The following SNTG1 variants were observed in gnomAD, a reference collection of about 807,000 sequenced individuals.
SNTG1 encodes syntrophin gamma 1.
SNTG1 carries 39 observed loss-of-function variants against 74.7 expected under a neutral mutation model. That is an observed-to-expected ratio of 0.52 (90% CI 0.40 to 0.68). SNTG1 has a LOEUF of 0.68. Ranked by LOEUF, SNTG1 falls within the 30% of genes least tolerant of loss-of-function variation. The pLI, the probability that SNTG1 is intolerant of heterozygous loss-of-function variation, is 0.00. For missense variants in SNTG1, 685 were observed against 609.5 expected (o/e 1.12, Z -1.30); for synonymous variants, 254 against 217.1 (o/e 1.17, Z -1.49).
chr8:50,661,449 T>C (rs1441436310), intron 15 of SNTG1, among the ~76,000 whole-genome samples: 1 of 152,222 alleles, frequency 6.6e-6, no homozygotes, highest in Non-Finnish European at 1.5e-5. Flanking sequence ...TGAGAGTGCC[T>C]GTATATTTAC....
chr8:50,357,186 C>T (rs553636062), intron 2 of SNTG1, among the ~76,000 whole-genome samples: 1 of 152,270 alleles, frequency 6.6e-6, no homozygotes, highest in South Asian at 2.1e-4. Flanking sequence ...TCCTTCCCCT[C>T]AGTCACCAGG....
chr8:50,021,007 G>A (rs894461972), intron 1 of SNTG1, among the ~76,000 whole-genome samples: 45 of 152,052 alleles, frequency 3.0e-4, no homozygotes, highest in African/African-American at 1.1e-3. Context: ...CCATTGATAT[G>A]ACTAGGGGCT....
chr8:50,401,000 C>T (rs1410860178), intron 3 of SNTG1, among the ~76,000 whole-genome samples: 1 of 152,146 alleles, frequency 6.6e-6, no homozygotes, highest in African/African-American at 2.4e-5. Context: ...GATGTATATG[C>T]TAATTATCAT....
At chr8:50,543,017 T>A (rs2094359600) in intron 11 of SNTG1, among the ~76,000 whole-genome samples, 1 of 152,210 alleles carries the variant, frequency 6.6e-6, no homozygotes. Context: ...TTGAAAATAT[T>A]TTTTCCCATT....
intron 1 of SNTG1, among the ~76,000 whole-genome samples, chr8:49,922,048 A>G (rs1806591675): frequency 6.6e-6 from 1 of 152,046 alleles, no homozygotes. Flanking sequence ...ATATTTTTCT[A>G]AAAGAAATTT....
intron 2 of SNTG1, among the ~76,000 whole-genome samples, chr8:50,271,757 T>C (rs2087791691): frequency 6.6e-6 from 1 of 152,276 alleles, no homozygotes; most frequent in African/African-American, 2.4e-5. Context: ...CTCTGGGAAT[T>C]CTCTGGGAAT....
At chr8:50,021,119 C>T (rs1816777143) in intron 1 of SNTG1, among the ~76,000 whole-genome samples, 1 of 152,146 alleles carries the variant, frequency 6.6e-6, no homozygotes, top group Non-Finnish European at 1.5e-5. Context: ...CTGAGTACTC[C>T]TAAGGTTTTT....
chr8:50,145,914 A>G (rs2081845665), intron 1 of SNTG1, among the ~76,000 whole-genome samples: 1 of 151,764 alleles, frequency 6.6e-6, no homozygotes, highest in African/African-American at 2.4e-5. Context: ...ATAAAAATAT[A>G]TAGATGACTT....
intron 15 of SNTG1, among the ~76,000 whole-genome samples, chr8:50,688,019 T>A (rs1037939512): frequency 6.6e-6 from 1 of 151,934 alleles, no homozygotes; most frequent in African/African-American, 2.4e-5. Context: ...ATGATGAGCA[T>A]TTTTTCATGC....
intron 17 of SNTG1, among the ~76,000 whole-genome samples, chr8:50,711,896 T>C (rs2095462603): frequency 6.6e-6 from 1 of 152,226 alleles, no homozygotes; most frequent in Non-Finnish European, 1.5e-5. Flanking sequence ...ATTTTCACTG[T>C]TAGAGAAGGG....
intron 2 of SNTG1, among the ~76,000 whole-genome samples, chr8:50,237,296 G>C (rs1308470715): frequency 5.3e-5 from 8 of 152,018 alleles, no homozygotes; most frequent in Admixed American, 5.2e-4. Flanking sequence ...ATTTGTAATT[G>C]GAGCTCTAAG....
rs2093328739 is a variant in SNTG1, at chr8:50,438,600, G to A, written c.219+1G>A. 6.2e-7 allele frequency: 1 copy of A among 1,612,336 alleles called. No homozygotes were observed. The highest frequency in any genetic ancestry group is 1.7e-5 in the Admixed American group (1 of 59,896). ...AGGAGGATTTGGATTAAGCATAAAG[G>A]TAGCCTGCCTTTCTAGTCTATCCTT... On this transcript the variant is annotated splice_donor_variant, in intron 5 of 18. Transcript: ENST00000642720. LOFTEE classifies it high-confidence loss of function.
chr8:49,939,410 T>C (rs1808477542), intron 1 of SNTG1, among the ~76,000 whole-genome samples: 1 of 152,228 alleles, frequency 6.6e-6, no homozygotes, highest in African/African-American at 2.4e-5. Flanking sequence ...GACCACTTAG[T>C]ATACACACCA....
At chr8:50,209,762 G>A (rs1414333210) in intron 2 of SNTG1, among the ~76,000 whole-genome samples, 1 of 152,180 alleles carries the variant, frequency 6.6e-6, no homozygotes, top group Non-Finnish European at 1.5e-5. Context: ...AAACCACAAA[G>A]ATGGGGAGAA....
intron 2 of SNTG1, among the ~76,000 whole-genome samples, chr8:50,292,325 T>C (rs1047570509): frequency 2.6e-5 from 4 of 151,952 alleles, no homozygotes; most frequent in African/African-American, 9.7e-5. Flanking sequence ...ATGGAAAGAA[T>C]GAAGGGTGTA....
At chr8:50,148,290 C>A (rs2081941255) in intron 1 of SNTG1, among the ~76,000 whole-genome samples, 1 of 152,046 alleles carries the variant, frequency 6.6e-6, no homozygotes, top group Admixed American at 6.6e-5. Context: ...TGTTGATATA[C>A]CTCCTTTCAA....
intron 1 of SNTG1, among the ~76,000 whole-genome samples, chr8:50,151,422 T>C (rs114301522): frequency 0.017 from 2,556 of 151,902 alleles, 66 homozygotes; most frequent in African/African-American, 0.052. Flanking sequence ...TTCAGTTCTC[T>C]GATCTTAGTC....
chr8:50,790,098 G>A (rs776196307), intron 18 of SNTG1, among the ~76,000 whole-genome samples: 1 of 151,690 alleles, frequency 6.6e-6, no homozygotes, highest in Non-Finnish European at 1.5e-5. Flanking sequence ...TCCTTCCCAC[G>A]GCCCTTTGAG....
chr8:50,484,149 TTTCCTTCC>T (rs1176639085), intron 8 of SNTG1, among the ~76,000 whole-genome samples: 858 of 46,572 alleles, frequency 0.018, 11 homozygotes, highest in African/African-American at 0.047. Flanking sequence ...TCTTTCTTTC[TTTCCTTCC>T]TTCCTTCCTT....
Sources: allele counts gnomAD v4.1 joint callset (sites outside exome capture counted in the v4.1 genomes callset), GRCh38; gene constraint gnomAD v4.1.1; transcripts MANE v1.5; gene names NCBI Gene and HGNC (gene_info 2026-07-23, HGNC 2026-07-21).